Variants in ANK2 observed in about 807,000 individuals in gnomAD.
The protein encoded by ANK2 is ankyrin-2.
A neutral mutation model predicts 360.5 loss-of-function variants in ANK2; 83 were observed. The observed-to-expected ratio is 0.23, with a 90% CI of 0.19 to 0.28. The LOEUF is 0.28. Ranked by LOEUF, ANK2 falls within the 10% of genes least tolerant of loss-of-function variation. The probability of loss-of-function intolerance (pLI) is 1.00; values close to 1 mark genes in which losing one functional copy is unlikely to be tolerated. For synonymous variants in ANK2, 1,740 were observed against 1,759.5 expected (o/e 0.99, Z 0.28); for missense variants, 4,201 against 4,795.7 (o/e 0.88, Z 3.66).
At chr4:112,790,484 C>CTTTT in the ANK2 span, among the ~76,000 whole-genome samples, 8 of 113,744 alleles carry the variant, frequency 7.0e-5, no homozygotes, top group African/African-American at 1.4e-4. Flanking sequence ...CTTTTCTTTT[C>CTTTT]TTTTTTTTTT....
intron 5 of ANK2, among the ~76,000 whole-genome samples, chr4:113,234,797 GT>G (rs2099358555): frequency 2.6e-5 from 4 of 152,202 alleles, no homozygotes; most frequent in Non-Finnish European, 5.9e-5. Flanking sequence ...AATATTTGAA[GT>G]TTTTAAATTT....
rs750403652 is a variant in ANK2 at position 112,942,191 on chromosome 4, A to G, written c.21+37677A>G. Among the ~76,000 whole-genome samples, 16 of 152,024 alleles carry G rather than the reference A, an allele frequency of 1.1e-4. 1 individual carries two copies. Among genetic ancestry groups the G allele is most frequent in the Admixed American group, 3.9e-4 (6 of 15,240 alleles). On this transcript the variant is annotated intron_variant, in intron 2 of 30. Coordinates refer to the ANK2 transcript ENST00000503271. Reference sequence around the variant, plus strand: ...ATTTTAGAAGGATAGATAGGATCCTATCATTCTCCTTTGCAGCACAAACTG... The same window carrying G: ...ATTTTAGAAGGATAGATAGGATCCTGTCATTCTCCTTTGCAGCACAAACTG...
At chr4:112,705,701 T>C in the ANK2 span, among the ~76,000 whole-genome samples, 7 of 152,306 alleles carry the variant, frequency 4.6e-5, no homozygotes, top group South Asian at 1.0e-3. Flanking sequence ...GTGGTGCATA[T>C]AGACATATTT....
intron 2 of ANK2, among the ~76,000 whole-genome samples, chr4:113,189,581 G>A (rs1010806327): frequency 3.3e-5 from 5 of 152,114 alleles, no homozygotes; most frequent in African/African-American, 9.7e-5. Context: ...TGTTTTATCC[G>A]AGTTTAGTAT....
intron 21 of ANK2, 33 bp from the exon 22 acceptor site, chr4:113,293,407 T>C (rs1172862491): frequency 6.3e-7 from 1 of 1,583,520 alleles, no homozygotes; most frequent in Non-Finnish European, 8.7e-7. Context: ...CTCTCTCTTA[T>C]TTCTCACTCT....
intron 22 of ANK2, among the ~76,000 whole-genome samples, chr4:113,297,906 A>T (rs1016234110): frequency 6.6e-6 from 1 of 151,834 alleles, no homozygotes; most frequent in Non-Finnish European, 1.5e-5. Context: ...AGTAACAGGG[A>T]CTACTCGGGA....
intron 1 of ANK2, among the ~76,000 whole-genome samples, chr4:112,858,449 T>C (rs1430393346): frequency 1.3e-5 from 2 of 152,180 alleles, no homozygotes; most frequent in African/African-American, 4.8e-5. Context: ...GAGAAAACCA[T>C]AGTTCAGAGA....
chr4:113,107,859 C>T (rs1256371937), intron 1 of ANK2, among the ~76,000 whole-genome samples: 2 of 152,130 alleles, frequency 1.3e-5, no homozygotes, highest in Non-Finnish European at 2.9e-5. Flanking sequence ...ATGCACCCAA[C>T]ATAGAACCCA....
chr4:112,751,262 T>G, the ANK2 span, among the ~76,000 whole-genome samples: 1 of 152,118 alleles, frequency 6.6e-6, no homozygotes, highest in Non-Finnish European at 1.5e-5. Flanking sequence ...GCATTTACAA[T>G]GCCATATACC....
At chr4:112,790,373 C>T in the ANK2 span, among the ~76,000 whole-genome samples, 1 of 152,124 alleles carries the variant, frequency 6.6e-6, no homozygotes, top group Non-Finnish European at 1.5e-5. Flanking sequence ...ACCAATTAAT[C>T]CTGAAGTCTA....
At chr4:112,771,292 AT>A in the ANK2 span, among the ~76,000 whole-genome samples, 1 of 151,544 alleles carries the variant, frequency 6.6e-6, no homozygotes, top group Non-Finnish European at 1.5e-5. Context: ...TTTGTTTTGT[AT>A]TTTTAGTAGA....
chr4:113,205,685 G>T (rs958806013), intron 4 of ANK2, among the ~76,000 whole-genome samples: 2 of 152,132 alleles, frequency 1.3e-5, no homozygotes, highest in African/African-American at 2.4e-5. Context: ...ATTTATGGGG[G>T]TGCATGCACC....
At chr4:113,125,306 TA>T (rs2095597836) in intron 1 of ANK2, among the ~76,000 whole-genome samples, 1 of 152,206 alleles carries the variant, frequency 6.6e-6, no homozygotes, top group African/African-American at 2.4e-5. Context: ...TGAATTCTAA[TA>T]ATCTACTTTA....
At chr4:113,017,956 G>A (rs1035281140) in intron 2 of ANK2, among the ~76,000 whole-genome samples, 1 of 152,196 alleles carries the variant, frequency 6.6e-6, no homozygotes, top group African/African-American at 2.4e-5. Context: ...AAGAGCAGAA[G>A]ACTGCTGAAG....
chr4:113,241,452 C>T (rs966269329), intron 8 of ANK2, among the ~76,000 whole-genome samples: 4 of 152,128 alleles, frequency 2.6e-5, no homozygotes, highest in Admixed American at 2.0e-4. Flanking sequence ...ATCCTCCTGG[C>T]TCAGCCTCCT....
chr4:112,927,656 A>G (rs138325239), intron 2 of ANK2, among the ~76,000 whole-genome samples: 93 of 152,346 alleles, frequency 6.1e-4, no homozygotes, highest in African/African-American at 2.2e-3. Context: ...AAGAAAAATC[A>G]AGTATCTTGC....
intron 28 of ANK2, 104 bp downstream of exon 28, chr4:113,332,174 T>G: frequency 2.0e-6 from 2 of 1,016,762 alleles, no homozygotes; most frequent in South Asian, 2.6e-5. Context: ...GACATGTCCC[T>G]TTCTATGATT....
intron 29 of ANK2, 138 bp from the exon 30 acceptor site, chr4:113,335,708 A>G (rs1157631253): frequency 1.1e-6 from 1 of 900,464 alleles, no homozygotes; most frequent in Non-Finnish European, 1.8e-6. Flanking sequence ...CTTGCTTTTT[A>G]AAATTGTCCT....
At chr4:113,218,846 T>TA (rs201690976) in intron 4 of ANK2, among the ~76,000 whole-genome samples, 4,242 of 152,270 alleles carry the variant, frequency 0.028, 99 homozygotes, top group East Asian at 0.068. Flanking sequence ...AGTCATTTTT[T>TA]ATTTTTATTA....
Sources: gnomAD v4.1 joint callset for allele counts (sites outside exome capture counted in the v4.1 genomes callset) on GRCh38, gnomAD v4.1.1 for gene constraint, MANE v1.5 for transcripts, NCBI Gene and HGNC (gene_info 2026-07-23, HGNC 2026-07-21) for gene names.